Variants in GAS7 observed in about 807,000 individuals in gnomAD.
The protein encoded by GAS7 is growth arrest-specific protein 7.
A neutral mutation model predicts 71.1 loss-of-function variants in GAS7; 28 were observed. The ratio of observed to expected loss-of-function variants is 0.39; its 90% CI spans 0.29 to 0.54. The LOEUF is 0.54. Ranked by LOEUF, GAS7 falls within the 20% of genes least tolerant of loss-of-function variation. GAS7 has a pLI of 0.62. For synonymous variants in GAS7, 258 were observed against 245.8 expected (o/e 1.05, Z -0.46); for missense variants, 436 against 627.8 (o/e 0.69, Z 3.27).
At chr17:10,137,059 A>C (rs2074044426) in intron 1 of GAS7, among the ~76,000 whole-genome samples, 1 of 152,122 alleles carries the variant, frequency 6.6e-6, no homozygotes, top group African/African-American at 2.4e-5. Context: ...GGTTGCACTG[A>C]GCTGAGATCA....
intron 1 of GAS7, among the ~76,000 whole-genome samples, chr17:10,118,841 C>A (rs949017577): frequency 6.6e-6 from 1 of 152,180 alleles, no homozygotes; most frequent in Admixed American, 6.5e-5. Context: ...CTGTGCAGCA[C>A]CTCCCAGAGG....
chr17:9,992,053 G>A (rs1321154798), intron 2 of GAS7, among the ~76,000 whole-genome samples: 1 of 152,136 alleles, frequency 6.6e-6, no homozygotes, highest in Non-Finnish European at 1.5e-5. Flanking sequence ...AGTAGGCTGG[G>A]AGGAACTCAA....
intron 1 of GAS7, among the ~76,000 whole-genome samples, chr17:10,180,350 C>G (rs1300171937): frequency 2.4e-5 from 3 of 126,340 alleles, no homozygotes; most frequent in South Asian, 2.6e-4. Context: ...AAAAAAAAAG[C>G]TATGGAAACT....
chr17:10,019,134 G>A (rs377313697), intron 2 of GAS7, among the ~76,000 whole-genome samples: 4 of 152,100 alleles, frequency 2.6e-5, no homozygotes, highest in African/African-American at 9.7e-5. Context: ...GGGGTCATTT[G>A]AAGGCCTGGG....
rs1329954572 is a variant in GAS7 at position 9,993,145 on chromosome 17, G to T, written c.305-11261C>A. Among the ~76,000 whole-genome samples the T allele has an allele frequency of 2.6e-5, 4 of 151,512 alleles. No individual in the cohort carries two copies. The East Asian group carries it at 7.8e-4, about 30-fold the overall frequency. ...AGTAATGGGATGGCTGGGTCAAATG[G>T]TATTTCTAGTTCTAGATCCCTGAGG... On this transcript the variant is annotated intron_variant, in intron 2 of 13. Transcript: ENST00000432992.
intron 1 of GAS7, among the ~76,000 whole-genome samples, chr17:10,073,606 T>G (rs1254051696): frequency 6.6e-6 from 1 of 152,158 alleles, no homozygotes; most frequent in East Asian, 1.9e-4. Flanking sequence ...CATCAGACTG[T>G]ATAACAAGTG....
intron 5 of GAS7, 147 bp from the exon 6 acceptor site, chr17:9,947,130 T>G: frequency 1.7e-6 from 1 of 574,074 alleles, no homozygotes; most frequent in Non-Finnish European, 3.2e-6. Context: ...GGGCCAGCAT[T>G]TCACATGAGC....
chr17:10,161,837 G>A (rs1259479346), intron 1 of GAS7, among the ~76,000 whole-genome samples: 1 of 152,090 alleles, frequency 6.6e-6, no homozygotes, highest in Non-Finnish European at 1.5e-5. Flanking sequence ...GGCCGAGGCG[G>A]GCGGATCATG....
intron 1 of GAS7, among the ~76,000 whole-genome samples, chr17:10,099,353 G>C (rs75866916): frequency 0.031 from 4,721 of 152,254 alleles, 225 homozygotes; most frequent in African/African-American, 0.11. Flanking sequence ...GACGCCGAAA[G>C]AGGCAGATCT....
chr17:10,008,811 G>T (rs981048142), intron 2 of GAS7, among the ~76,000 whole-genome samples: 1 of 151,674 alleles, frequency 6.6e-6, no homozygotes, highest in African/African-American at 2.4e-5. Context: ...ACACGCACAC[G>T]CACGCAACCC....
chr17:9,912,789 A>T lies in GAS7; in HGVS notation c.*4439T>A. The stretch of plus-strand genomic sequence containing the variant: ...AAGTGGTCGTGCAAACAAGTTGAAG[A>T]CCCTGGGCCAAGAACTTCCAGGGCG... On this transcript the variant is annotated 3_prime_UTR_variant, in exon 14 of 14. Coordinates refer to ENST00000432992, the MANE Select transcript of GAS7 (RefSeq NM_201433.2). The T allele has an allele frequency of 4.3e-6, 1 of 232,620 alleles. No homozygotes were observed. Among genetic ancestry groups the T allele is most frequent in the Non-Finnish European group, 8.5e-6 (1 of 117,652 alleles). The allele number at this position is 232,620 out of a possible 1,614,324, so 14.4% of individuals were successfully genotyped here. A position where few individuals can be genotyped will look rare whatever the true frequency, so the allele number is the denominator to read the frequency against.
intron 1 of GAS7, among the ~76,000 whole-genome samples, chr17:10,113,606 G>A (rs1013664725): frequency 1.3e-5 from 2 of 152,288 alleles, no homozygotes; most frequent in Middle Eastern, 3.4e-3. Flanking sequence ...CACAGAGATC[G>A]CATTTTTCCG....
intron 1 of GAS7, among the ~76,000 whole-genome samples, chr17:10,049,909 C>A (rs972618451): frequency 1.3e-5 from 2 of 152,090 alleles, no homozygotes; most frequent in East Asian, 1.9e-4. Context: ...CGTGAGCCAC[C>A]GCGCCCGGTC....
At chr17:9,998,484 T>C (rs910235908) in intron 2 of GAS7, among the ~76,000 whole-genome samples, 9 of 150,850 alleles carry the variant, frequency 6.0e-5, no homozygotes, top group South Asian at 2.1e-4. Context: ...GAAAGATGCA[T>C]GAAGAGAACC....
intron 1 of GAS7, among the ~76,000 whole-genome samples, chr17:10,101,947 T>C (rs1427284024): frequency 6.6e-6 from 1 of 151,688 alleles, no homozygotes; most frequent in Non-Finnish European, 1.5e-5. Flanking sequence ...TTCTAAGGGG[T>C]CTGGGACCAG....
intron 1 of GAS7, among the ~76,000 whole-genome samples, chr17:10,082,684 T>C (rs573344217): frequency 7.2e-5 from 11 of 152,330 alleles, no homozygotes; most frequent in Admixed American, 4.6e-4. Context: ...GAAAAACCTA[T>C]ACACAAATGT....
chr17:9,927,513 A>C (rs998567760), intron 9 of GAS7, among the ~76,000 whole-genome samples: 4 of 151,976 alleles, frequency 2.6e-5, no homozygotes, highest in African/African-American at 7.2e-5. Context: ...AACAAAAAAC[A>C]ATAATAATCA....
chr17:9,959,088 C>A lies in GAS7; in HGVS notation c.525+114G>T. On this transcript the variant is annotated intron_variant, in intron 5 of 13. Coordinates refer to ENST00000432992, the MANE Select transcript of GAS7 (RefSeq NM_201433.2). The surrounding 1 kb of genome is among the most constrained non-coding windows in gnomAD (Gnocchi z 5.0). ...TGAAATCCGAGCTTTGGAACTTCCC[C>A]GTTTCCAGGTTGGGCATCACTTCTG... 1.5e-6 allele frequency: 2 copies of A among 1,367,416 alleles called. No homozygotes were observed. The highest frequency in any genetic ancestry group is 2.5e-5 in the East Asian group (1 of 40,026). 84.7% of individuals were successfully genotyped at this position (1,367,416 alleles called of 1,614,324 possible). A position where few individuals can be genotyped will look rare whatever the true frequency, so the allele number is the denominator to read the frequency against.
chr17:10,151,349 T>C (rs1193064141), intron 1 of GAS7, among the ~76,000 whole-genome samples: 15 of 152,122 alleles, frequency 9.9e-5, no homozygotes, highest in Admixed American at 6.5e-5. Flanking sequence ...TTTTTTTAAA[T>C]ACTTGTCACT....
Sources: gnomAD v4.1 joint callset for allele counts (sites outside exome capture counted in the v4.1 genomes callset) on GRCh38, gnomAD v4.1.1 for gene constraint, Gnocchi (gnomAD v3.1) non-coding constraint, MANE v1.5 for transcripts, NCBI Gene and HGNC (gene_info 2026-07-23, HGNC 2026-07-21) for gene names.